Variants in FANCC observed in about 807,000 individuals in gnomAD.
FANCC encodes FA complementation group C.
In FANCC, 55 loss-of-function variants were observed where a neutral mutation model predicts 71.3. The observed-to-expected ratio is 0.77, with a 90% CI of 0.62 to 0.97. The LOEUF is 0.97. Among genes scored for constraint, FANCC ranks in the 50% least tolerant of loss-of-function variants. The probability of loss-of-function intolerance (pLI) is 0.00; values close to 1 mark genes in which losing one functional copy is unlikely to be tolerated. For missense variants in FANCC, 678 were observed against 670.9 expected, an observed-to-expected ratio of 1.01 and a Z score of -0.12; for synonymous variants, 275 against 244.9, an observed-to-expected ratio of 1.12 and a Z score of -1.15.
chr9:95,208,268 T>C (rs1389022028), intron 4 of FANCC, among the ~76,000 whole-genome samples: 1 of 151,878 alleles, frequency 6.6e-6, no homozygotes, highest in Non-Finnish European at 1.5e-5. Flanking sequence ...TGGCTAATTT[T>C]GTATTTTTAG....
At chr9:95,194,532 T>G (rs1263450337) in intron 4 of FANCC, among the ~76,000 whole-genome samples, 1 of 152,228 alleles carries the variant, frequency 6.6e-6, no homozygotes, top group Non-Finnish European at 1.5e-5. Context: ...GGCTTTTATT[T>G]TAGCCATTTG....
At chr9:95,120,941 G>A (rs1261170135) in intron 10 of FANCC, among the ~76,000 whole-genome samples, 4 of 152,094 alleles carry the variant, frequency 2.6e-5, no homozygotes, top group East Asian at 1.9e-4. Flanking sequence ...ATTGTGCCAA[G>A]TTCTGGCCCT....
intron 7 of FANCC, among the ~76,000 whole-genome samples, chr9:95,147,446 G>A (rs1017199579): frequency 2.0e-5 from 3 of 152,200 alleles, no homozygotes; most frequent in African/African-American, 4.8e-5. Context: ...AACCCGGAAG[G>A]CAGAGGTTGC....
At chr9:95,222,714 G>C (rs1395184129) in intron 4 of FANCC, among the ~76,000 whole-genome samples, 3 of 152,018 alleles carry the variant, frequency 2.0e-5, no homozygotes, top group Non-Finnish European at 4.4e-5. Flanking sequence ...TGTAATAAAA[G>C]CAACAAATTA....
At chr9:95,196,510 C>G (rs1667553960) in intron 4 of FANCC, among the ~76,000 whole-genome samples, 1 of 151,962 alleles carries the variant, frequency 6.6e-6, no homozygotes, top group South Asian at 2.1e-4. Flanking sequence ...TATCCTGGCT[C>G]TTTGTATACC....
chr9:95,102,796 T>C (rs541029736), intron 14 of FANCC, among the ~76,000 whole-genome samples: 2 of 152,322 alleles, frequency 1.3e-5, no homozygotes, highest in Admixed American at 1.3e-4. Flanking sequence ...GCATGCGCAC[T>C]GTGTGAATGG....
intron 4 of FANCC, among the ~76,000 whole-genome samples, chr9:95,232,042 A>G (rs1830039510): frequency 6.6e-6 from 1 of 152,234 alleles, no homozygotes; most frequent in South Asian, 2.1e-4. Context: ...CAAGCTGTAC[A>G]GGAAGCACTG....
chr9:95,186,790 ATTT>A (rs10671582), intron 4 of FANCC, among the ~76,000 whole-genome samples: 1 of 134,952 alleles, frequency 7.4e-6, no homozygotes, highest in Non-Finnish European at 1.6e-5. Context: ...GGACTGTTGG[ATTT>A]TTTTTTTTTT....
intron 6 of FANCC, among the ~76,000 whole-genome samples, chr9:95,160,438 G>A (rs193181396): frequency 7.9e-5 from 12 of 152,280 alleles, no homozygotes; most frequent in African/African-American, 2.4e-4. Context: ...CAGACTTGTA[G>A]TACAGTTTGA....
chr9:95,277,214 C>T (rs1261928321), intron 1 of FANCC, among the ~76,000 whole-genome samples: 2 of 152,156 alleles, frequency 1.3e-5, no homozygotes, highest in African/African-American at 4.8e-5. Flanking sequence ...TTTATTTTCA[C>T]ATTGAAAATC....
intron 6 of FANCC, among the ~76,000 whole-genome samples, chr9:95,162,694 C>A (rs1830821661): frequency 6.6e-6 from 1 of 152,178 alleles, no homozygotes; most frequent in Non-Finnish European, 1.5e-5. Context: ...TTCTGATTAT[C>A]ATGTCCCTGA....
chr9:95,214,905 A>C (rs1828758545), intron 4 of FANCC, among the ~76,000 whole-genome samples: 1 of 152,214 alleles, frequency 6.6e-6, no homozygotes, highest in Non-Finnish European at 1.5e-5. Flanking sequence ...AGTTCTGAGG[A>C]TGGATGGTAG....
At chr9:95,127,708 C>T (rs1826219051) in intron 8 of FANCC, among the ~76,000 whole-genome samples, 1 of 152,196 alleles carries the variant, frequency 6.6e-6, no homozygotes, top group Non-Finnish European at 1.5e-5. Flanking sequence ...TTCACAGGCC[C>T]CCGTCGGCAA....
Position 95,117,404 on chromosome 9 carries a change from G to C in FANCC, c.997-14C>G. 1 of 1,610,672 alleles carries C rather than the reference G, an allele frequency of 6.2e-7. No homozygotes were observed. The highest frequency in any genetic ancestry group is 8.5e-7 in the Non-Finnish European group (1 of 1,177,668). ...TGCAAACCGCAGCTGCCACAGGATG[G>C]AAAATCCAAAGAGCATGAACATTAA... On this transcript the variant is annotated splice_polypyrimidine_tract_variant and intron_variant, in intron 10 of 14. Transcript: ENST00000289081.
chr9:95,281,676 AT>A (rs994091310), intron 1 of FANCC, among the ~76,000 whole-genome samples: 5 of 152,082 alleles, frequency 3.3e-5, no homozygotes, highest in African/African-American at 7.2e-5. Context: ...TACATCATAT[AT>A]TTTTTTAAGA....
At chr9:95,269,578 A>C (rs1832600756) in intron 1 of FANCC, among the ~76,000 whole-genome samples, 2 of 152,238 alleles carry the variant, frequency 1.3e-5, no homozygotes, top group African/African-American at 4.8e-5. Flanking sequence ...TATTAAACAT[A>C]TAGAATACAA....
chr9:95,294,762 T>C, intron 1 of FANCC: 1 of 1,587,450 alleles, frequency 6.3e-7, no homozygotes, highest in East Asian at 2.2e-5. Context: ...AGTTCAGCTC[T>C]GTAGAAACCC....
intron 1 of FANCC, among the ~76,000 whole-genome samples, chr9:95,296,089 A>C (rs1834356388): frequency 6.6e-6 from 1 of 152,264 alleles, no homozygotes; most frequent in African/African-American, 2.4e-5. Context: ...ACTTATCCAC[A>C]AACTCATTGA....
At chr9:95,126,186 A>G (rs1825950255) in intron 9 of FANCC, among the ~76,000 whole-genome samples, 1 of 152,220 alleles carries the variant, frequency 6.6e-6, no homozygotes, top group Admixed American at 6.5e-5. Flanking sequence ...CAGCCCTCAC[A>G]TGGTGAAGGG....
Sources: allele counts gnomAD v4.1 joint callset (sites outside exome capture counted in the v4.1 genomes callset), GRCh38; gene constraint gnomAD v4.1.1; transcripts MANE v1.5; gene names NCBI Gene and HGNC (gene_info 2026-07-23, HGNC 2026-07-21).